The following NAA11 variants were observed in gnomAD, a reference collection of about 807,000 sequenced individuals.
The protein encoded by NAA11 is N-alpha-acetyltransferase 11.
A neutral mutation model predicts 16.1 loss-of-function variants in NAA11; 15 were observed. The observed-to-expected ratio is 0.93, with a 90% CI of 0.62 to 1.44. NAA11 has a LOEUF of 1.44. NAA11 is among the 40% of genes most tolerant of loss of function. The probability of loss-of-function intolerance (pLI) is 0.00; values close to 1 mark genes in which losing one functional copy is unlikely to be tolerated. For missense variants in NAA11, 298 were observed against 291.3 expected (o/e 1.02, Z -0.17); for synonymous variants, 122 against 112.4 (o/e 1.09, Z -0.54).
the NAA11 span, among the ~76,000 whole-genome samples, chr4:79,215,594 C>G: frequency 1.3e-5 from 2 of 152,190 alleles, no homozygotes; most frequent in Non-Finnish European, 2.9e-5. Context: ...TTTTCCTGAG[C>G]CTTCAGGTAT....
chr4:79,266,977 A>G (rs1722362768), intron 2 of NAA11, among the ~76,000 whole-genome samples: 1 of 152,228 alleles, frequency 6.6e-6, no homozygotes, highest in South Asian at 2.1e-4. Flanking sequence ...AAGCACAGTG[A>G]AAGACAAAAA....
intron 2 of NAA11, among the ~76,000 whole-genome samples, chr4:79,261,413 C>A (rs1233530632): frequency 6.6e-6 from 1 of 152,164 alleles, no homozygotes; most frequent in Non-Finnish European, 1.5e-5. Flanking sequence ...TCACCGTACT[C>A]TCCAAGTCAA....
chr4:79,198,913 A>G, the NAA11 span, among the ~76,000 whole-genome samples: 1 of 151,954 alleles, frequency 6.6e-6, no homozygotes, highest in Non-Finnish European at 1.5e-5. Context: ...GCAGGAAAAC[A>G]TGCATACTCT....
chr4:79,177,144 C>G, the NAA11 span, among the ~76,000 whole-genome samples: 26 of 150,918 alleles, frequency 1.7e-4, no homozygotes, highest in African/African-American at 6.1e-4. Flanking sequence ...ATGTGTGTGT[C>G]TGTGTGTATG....
chr4:79,284,418 G>C (rs1323775546), intron 2 of NAA11, among the ~76,000 whole-genome samples: 1 of 152,016 alleles, frequency 6.6e-6, no homozygotes. Context: ...CTCTGAGGTA[G>C]AGCATAAATT....
chr4:79,272,819 A>G (rs998597325), intron 2 of NAA11, among the ~76,000 whole-genome samples: 2 of 151,954 alleles, frequency 1.3e-5, no homozygotes, highest in African/African-American at 4.8e-5. Flanking sequence ...TCTATACTGC[A>G]TGATATCTAG....
chr4:79,188,076 A>G, the NAA11 span, among the ~76,000 whole-genome samples: 2 of 151,714 alleles, frequency 1.3e-5, no homozygotes, highest in African/African-American at 4.8e-5. Context: ...TTCCAGTTTT[A>G]AATGTGAATT....
chr4:79,322,250 C>CTCA (rs1187518887), intron 1 of NAA11, among the ~76,000 whole-genome samples: 1 of 152,114 alleles, frequency 6.6e-6, no homozygotes, highest in Non-Finnish European at 1.5e-5. Context: ...CAGATAACAA[C>CTCA]TCAGAAAGAC....
chr4:79,325,130 CAGGGATTT>C lies in NAA11; in HGVS notation c.*12+38_*12+45del. The C allele has an allele frequency of 2.0e-6, 3 of 1,475,566 alleles. No individual in the cohort carries two copies. The East Asian group carries it at 7.3e-5, about 36-fold the overall frequency. The allele number at this position is 1,475,566 out of a possible 1,614,324, so 91.4% of individuals were successfully genotyped here. On this transcript the variant is annotated intron_variant, in intron 1 of 1. Coordinates refer to ENST00000286794, the MANE Select transcript of NAA11 (RefSeq NM_032693.3). ...GAATTGGGCAGGCCAAGGCAGGATGCAGGGATTTAGGAGAAGGGGGTACTGGGTCAGGG... is the reference window on the plus strand; with the variant it reads ...GAATTGGGCAGGCCAAGGCAGGATGCAGGAGAAGGGGGTACTGGGTCAGGG...
chr4:79,223,499 G>C (rs1418761418), downstream of NAA11, among the ~76,000 whole-genome samples: 1 of 111,386 alleles, frequency 9.0e-6, no homozygotes, highest in African/African-American at 3.4e-5. Context: ...CTGTTGTGGG[G>C]TGGGGGGAGG....
At chr4:79,235,679 A>T (rs1721555326) in intron 2 of NAA11, among the ~76,000 whole-genome samples, 1 of 152,098 alleles carries the variant, frequency 6.6e-6, no homozygotes, top group East Asian at 1.9e-4. Context: ...ATTTCACCAC[A>T]CATTGTTTGG....
At chr4:79,270,011 T>A (rs1321449030) in intron 2 of NAA11, among the ~76,000 whole-genome samples, 2 of 151,656 alleles carry the variant, frequency 1.3e-5, no homozygotes, top group African/African-American at 4.9e-5. Context: ...ATCAGACAGT[T>A]GTAGGTATGC....
At position 79,325,787 on chromosome 4, in the gene NAA11, A is replaced by G. The variant is rs983803887; in HGVS notation, c.91T>C (p.Tyr31His). Reference protein sequence around the residue: ...CLPENYQMKYYLYHGLSWPQL... With the variant: ...CLPENYQMKYHLYHGLSWPQL... ...GGCCAGGAAAGGCCATGATATAAATAGTATTTCATCTGGTAGTTCTCAGGA... is the reference window on the plus strand; with the variant it reads ...GGCCAGGAAAGGCCATGATATAAATGGTATTTCATCTGGTAGTTCTCAGGA... Residue 31 changes from tyrosine (Y) to histidine (H), a missense_variant, in exon 1 of 2, where the codon TAT (tyrosine) becomes CAT (histidine). Transcript: ENST00000286794. 6.2e-7 allele frequency: 1 copy of G among 1,614,196 alleles called. No homozygotes were observed. The highest frequency in any genetic ancestry group is 1.3e-5 in the African/African-American group (1 of 75,054).
At chr4:79,297,077 C>T (rs1723241268) in intron 1 of NAA11, among the ~76,000 whole-genome samples, 1 of 152,194 alleles carries the variant, frequency 6.6e-6, no homozygotes, top group Non-Finnish European at 1.5e-5. Context: ...TGAGGCCAGG[C>T]AGGACCTGCT....
chr4:79,266,679 C>T (rs1441598327), intron 2 of NAA11, among the ~76,000 whole-genome samples: 1 of 152,164 alleles, frequency 6.6e-6, no homozygotes, highest in East Asian at 1.9e-4. Flanking sequence ...ACGTATTCTT[C>T]CGGTTGAAGG....
At chr4:79,323,542 CG>C (rs1029132271) in intron 1 of NAA11, among the ~76,000 whole-genome samples, 7 of 151,834 alleles carry the variant, frequency 4.6e-5, no homozygotes, top group Admixed American at 1.3e-4. Context: ...AAAATTAGGC[CG>C]GGCACGGTGG....
chr4:79,239,699 C>T (rs562599175), intron 2 of NAA11, among the ~76,000 whole-genome samples: 125 of 149,822 alleles, frequency 8.3e-4, no homozygotes, highest in African/African-American at 2.1e-3. Flanking sequence ...GACTCTGTCT[C>T]GGAAAAAAAA....
rs1389422015 is a variant in NAA11 at position 79,316,706 on chromosome 4, T to C, written c.*1098A>G. ...CAAGGTACTTTGTCTTCACTTATTT[T>C]TACTAGAGAAAAATAATAAAAATAG... On this transcript the variant is annotated 3_prime_UTR_variant, in exon 2 of 2. Transcript: ENST00000286794. The C allele has an allele frequency of 1.3e-5, 2 of 152,196 alleles. No homozygotes were observed. Among genetic ancestry groups the C allele is most frequent in the Non-Finnish European group, 2.9e-5 (2 of 68,028 alleles). 9.4% of individuals were successfully genotyped at this position (152,196 alleles called of 1,614,324 possible). A position where few individuals can be genotyped will look rare whatever the true frequency, so the allele number is the denominator to read the frequency against.
chr4:79,218,071 A>G, the NAA11 span, among the ~76,000 whole-genome samples: 5 of 152,254 alleles, frequency 3.3e-5, no homozygotes, highest in Middle Eastern at 6.8e-3. Context: ...CCTAGGGATT[A>G]TCTGGTAATA....
Sources: gnomAD v4.1 joint callset for allele counts (sites outside exome capture counted in the v4.1 genomes callset) on GRCh38, gnomAD v4.1.1 for gene constraint, MANE v1.5 for transcripts, NCBI Gene and HGNC (gene_info 2026-07-23, HGNC 2026-07-21) for gene names.